Variants in TOP1MT observed in about 807,000 individuals in gnomAD.
TOP1MT encodes the protein DNA topoisomerase I mitochondrial, also known as DNA topoisomerase I, mitochondrial.
In TOP1MT, 80 loss-of-function variants were observed where a neutral mutation model predicts 73.9. That is an observed-to-expected ratio of 1.08 (90% CI 0.90 to 1.30). TOP1MT has a LOEUF of 1.30. Among genes scored for constraint, TOP1MT ranks in the 50% most tolerant of loss-of-function variants. TOP1MT has a pLI of 0.00. For synonymous variants in TOP1MT, 338 were observed against 326.4 expected, an observed-to-expected ratio of 1.04 and a Z score of -0.38; for missense variants, 815 against 808.0, an observed-to-expected ratio of 1.01 and a Z score of -0.10.
In TOP1MT at chr8:143,340,968, T is replaced by C. The variant is rs549613853; in HGVS notation, c.29+2252A>G. Among the ~76,000 whole-genome samples the C allele has an allele frequency of 6.2e-4, 94 of 152,242 alleles. 1 individual carries two copies. The highest frequency in any genetic ancestry group is 1.0e-3 in the Non-Finnish European group (68 of 68,012). On this transcript the variant is annotated intron_variant, in intron 2 of 5. Coordinates refer to the TOP1MT transcript ENST00000518007. ...GTCCTCCGTGCTGGGGTGGGCACCATGCCCTCACTGTGCACCTGCTCCTGG... is the reference window on the plus strand; with the variant it reads ...GTCCTCCGTGCTGGGGTGGGCACCACGCCCTCACTGTGCACCTGCTCCTGG...
intron 1 of TOP1MT, chr8:143,332,783 A>C: frequency 2.8e-6 from 1 of 354,688 alleles, no homozygotes; most frequent in Non-Finnish European, 5.6e-6. Flanking sequence ...CTGTGATCCC[A>C]GCACTTTGGG....
chr8:143,347,805 A>T (rs969673669), upstream of TOP1MT, among the ~76,000 whole-genome samples: 5 of 152,040 alleles, frequency 3.3e-5, no homozygotes, highest in Non-Finnish European at 5.9e-5. Flanking sequence ...CCTCAGTCCA[A>T]GGTGGGCTGT....
Position 143,325,109 on chromosome 8 carries a change from C to T in TOP1MT, c.671+237G>A, listed in dbSNP as rs184948032. On this transcript the variant is annotated intron_variant, in intron 5 of 13. Coordinates refer to ENST00000329245, the MANE Select transcript of TOP1MT (RefSeq NM_052963.3). ...GATATGAAAACCACATGGAGGTGTC[C>T]TTGGCGGGAGAAAGTCTCAGCCATA... 1.5e-4 allele frequency among the ~76,000 whole-genome samples: 23 copies of T among 152,348 alleles called. 1 individual carries two copies. Among genetic ancestry groups the T allele is most frequent in the South Asian group, 8.3e-4 (4 of 4,834 alleles).
At chr8:143,323,317 C>CAT (rs1816584805) in intron 7 of TOP1MT, among the ~76,000 whole-genome samples, 4 of 113,970 alleles carry the variant, frequency 3.5e-5, no homozygotes, top group East Asian at 3.0e-4. Flanking sequence ...GCTCACCACA[C>CAT]GCACGCCACA....
intron 3 of TOP1MT, chr8:143,328,151 A>C: frequency 2.3e-6 from 1 of 429,672 alleles, no homozygotes; most frequent in East Asian, 7.1e-5. Context: ...TGCAAATCAT[A>C]TTTCTGATAA....
At chr8:143,334,202 C>T (rs1816930954) in intron 1 of TOP1MT, 1 of 152,420 alleles carries the variant, frequency 6.6e-6, no homozygotes, top group African/African-American at 2.4e-5. Context: ...CAGTATGCGC[C>T]GGCAGGGCTT....
chr8:143,349,169 C>G (rs997381206), upstream of TOP1MT, among the ~76,000 whole-genome samples: 1 of 152,052 alleles, frequency 6.6e-6, no homozygotes, highest in Non-Finnish European at 1.5e-5. Context: ...AAATCTCAAG[C>G]ACACACAAAC....
At chr8:143,331,369 C>A in intron 1 of TOP1MT, 30 bp from the exon 2 acceptor site, 1 of 1,584,946 alleles carries the variant, frequency 6.3e-7, no homozygotes. Context: ...GTGTCACTCT[C>A]CTGGGCCAGG....
chr8:143,324,608 C>T lies in TOP1MT; in HGVS notation c.693G>A (p.Pro231=), dbSNP rs373519488. The part of the protein sequence containing the change: ...NCSRDSKIPE[P]PAGHQWKEVR... ...CCTCCTTCCACTGGTGCCCCGCCGG[C>T]GGCTCGGGGATCTTCGAGTCCCTGC... Residue 231 remains proline, a synonymous_variant, in exon 6 of 14, where the codon CCG becomes CCA. Transcript: ENST00000329245. 1.3e-5 allele frequency: 21 copies of T among 1,613,344 alleles called. No homozygotes were observed. The highest frequency in any genetic ancestry group is 3.3e-5 in the Admixed American group (2 of 59,958).
At chr8:143,357,171 G>T (rs1817424436), upstream of TOP1MT, among the ~76,000 whole-genome samples, 1 of 151,754 alleles carries the variant, frequency 6.6e-6, no homozygotes, top group South Asian at 2.1e-4. Flanking sequence ...GGAGGCTGAG[G>T]CAGGAGGATC....
chr8:143,323,330 CAT>C (rs1189308740), intron 7 of TOP1MT, among the ~76,000 whole-genome samples: 2 of 112,114 alleles, frequency 1.8e-5, no homozygotes, highest in African/African-American at 3.6e-5. Flanking sequence ...ACGCCACACA[CAT>C]GCACGCCACA....
chr8:143,329,262 G>T, intron 3 of TOP1MT, 88 bp downstream of exon 3: 1 of 1,422,250 alleles, frequency 7.0e-7, no homozygotes, highest in South Asian at 1.5e-5. Context: ...GAGAACTTGC[G>T]AGGGGCGTTC....
chr8:143,359,310 G>A, upstream of TOP1MT: 1 of 985,406 alleles, frequency 1.0e-6, no homozygotes, highest in Non-Finnish European at 1.2e-6. Context: ...CAGGAGAAGG[G>A]AGGCAGGTCA....
chr8:143,343,731 C>G (rs1817172154), intron 1 of TOP1MT: 1 of 160,270 alleles, frequency 6.2e-6, no homozygotes, highest in South Asian at 1.7e-4. Flanking sequence ...CCACATTGAA[C>G]AGAGAGAGGA....
At position 143,321,402 on chromosome 8, in the gene TOP1MT, T is replaced by A; in HGVS notation, c.961-16A>T. The A allele has an allele frequency of 3.8e-6, 6 of 1,563,542 alleles. No individual in the cohort carries two copies. The highest frequency in any genetic ancestry group is 4.4e-6 in the Non-Finnish European group (5 of 1,148,736). ...TCAGTGCCAGCTAGTTGGTGGGGAA[T>A]GGTCAAAGTGGGTGGTGCGTGCACA... On this transcript the variant is annotated splice_polypyrimidine_tract_variant and intron_variant, in intron 7 of 13. Transcript: ENST00000329245.
intron 1 of TOP1MT, chr8:143,334,228 G>A (rs1390387564): frequency 1.3e-5 from 2 of 152,644 alleles, no homozygotes; most frequent in African/African-American, 4.8e-5. Flanking sequence ...ATGTCCTCCA[G>A]GAAAGCGCCT....
chr8:143,342,499 G>A (rs1222781699), intron 2 of TOP1MT, among the ~76,000 whole-genome samples: 11 of 118,642 alleles, frequency 9.3e-5, no homozygotes, highest in African/African-American at 1.3e-4. Flanking sequence ...ACAGAGTCTC[G>A]CTGTTATTAT....
Sources: gnomAD v4.1 joint callset for allele counts (sites outside exome capture counted in the v4.1 genomes callset) on GRCh38, gnomAD v4.1.1 for gene constraint, MANE v1.5 for transcripts, NCBI Gene and HGNC (gene_info 2026-07-23, HGNC 2026-07-21) for gene names.